Variants in ZNF101 observed in about 807,000 individuals in gnomAD.
The protein encoded by ZNF101 is zinc finger protein 101 (Y2).
ZNF101 carries 34 observed loss-of-function variants against 42.6 expected under a neutral mutation model. That is an observed-to-expected ratio of 0.80 (90% CI 0.61 to 1.06). The LOEUF (loss-of-function observed/expected upper bound fraction) is 1.06, where lower values mean the gene tolerates loss of function less well. ZNF101 is among the 50% of genes least tolerant of loss of function. The pLI is 0.00. For missense variants in ZNF101, 466 were observed against 530.9 expected (o/e 0.88, Z 1.20); for synonymous variants, 158 against 183.9 (o/e 0.86, Z 1.14).
chr19:19,672,796 G>T (rs1056725259), intron 1 of ZNF101, among the ~76,000 whole-genome samples: 2 of 151,912 alleles, frequency 1.3e-5, no homozygotes, highest in Admixed American at 6.6e-5. Flanking sequence ...CAAAGTGTTG[G>T]GATTATAGGC....
intron 1 of ZNF101, among the ~76,000 whole-genome samples, chr19:19,670,645 T>C (rs998049730): frequency 6.6e-6 from 1 of 151,996 alleles, no homozygotes; most frequent in Admixed American, 6.6e-5. Context: ...TAGTCTCAGC[T>C]ACTCAGGAGA....
At position 19,679,179 on chromosome 19, in the gene ZNF101, A is replaced by G; in HGVS notation, c.192-2A>G. 6.2e-7 allele frequency: 1 copy of G among 1,608,332 alleles called. No homozygotes were observed. Among genetic ancestry groups the G allele is most frequent in the Non-Finnish European group, 8.5e-7 (1 of 1,175,994 alleles). On this transcript the variant is annotated splice_acceptor_variant, in intron 3 of 3. Coordinates refer to ENST00000592502, the MANE Select transcript of ZNF101 (RefSeq NM_033204.4). LOFTEE classifies it high-confidence loss of function. The stretch of plus-strand genomic sequence containing the variant: ...TGATAATGCGTTTGTCATTTTTCAT[A>G]GAAGTCTGGTGGAGAGACTCTGTGG...
chr19:19,677,048 T>G (rs373582855), intron 1 of ZNF101: 1 of 152,350 alleles, frequency 6.6e-6, no homozygotes, highest in South Asian at 2.1e-4. Context: ...TGCTTTGACA[T>G]TACCTGACAG....
chr19:19,673,333 T>G (rs1023081720), intron 1 of ZNF101, among the ~76,000 whole-genome samples: 5 of 139,986 alleles, frequency 3.6e-5, no homozygotes, highest in Non-Finnish European at 6.0e-5. Flanking sequence ...CACTGCAACC[T>G]CCACCTTCTG....
chr19:19,679,785 G>C lies in ZNF101; in HGVS notation c.796G>C (p.Gly266Arg). 2 of 1,612,204 alleles carry C rather than the reference G, an allele frequency of 1.2e-6. No homozygotes were observed. Among genetic ancestry groups the C allele is most frequent in the Non-Finnish European group, 1.7e-6 (2 of 1,179,156 alleles). The change falls in exon 4 of 4, where the codon GGT (glycine) becomes CGT (arginine). Residue 266 changes from glycine to arginine, a missense_variant. Transcript: ENST00000592502. ...ATGTGGTAAAGCCTTCATTTCCGCA[G>C]GTTACCTTCGGACACATGAAATCAG... Reference protein sequence around the residue: ...KQCGKAFISAGYLRTHEIRSH... With the variant: ...KQCGKAFISARYLRTHEIRSH...
chr19:19,678,867 CAAAT>C, intron 3 of ZNF101, 81 bp downstream of exon 3: 8 of 1,222,700 alleles, frequency 6.5e-6, no homozygotes, highest in East Asian at 2.5e-5. Context: ...AAATACAAGA[CAAAT>C]AAGTACAATG....
At position 19,679,327 on chromosome 19, in the gene ZNF101, G is replaced by A. The variant is rs61742977; in HGVS notation, c.338G>A (p.Arg113His). 105 of 1,614,080 alleles carry A rather than the reference G, an allele frequency of 6.5e-5. 1 individual carries two copies. In the African/African-American group the frequency reaches 1.0e-3, roughly 16 times the overall value. ...KCSVCGKVFL[R>H]HSFLDRHMRA... ...AGCGTGTGTGGGAAAGTCTTCCTCC[G>A]TCATTCATTCCTGGACAGGCACATG... Residue 113 changes from arginine (R) to histidine (H), a missense_variant, in exon 4 of 4, where the codon CGT (arginine) becomes CAT (histidine). Coordinates refer to ENST00000592502, the MANE Select transcript of ZNF101 (RefSeq NM_033204.4).
chr19:19,679,513 G>A lies in ZNF101; in HGVS notation c.524G>A (p.Gly175Glu), dbSNP rs1185063435. ...AGACCTTATGAATGCAAGGTGTGCG[G>A]GAAAGCCTTTAATTCTCCCAATTTA... ...RKRPYECKVC[G>E]KAFNSPNLFQ... Residue 175 changes from glycine to glutamate, a missense_variant, in exon 4 of 4, where the codon GGG (glycine) becomes GAG (glutamate). By Grantham distance (98) the Gly-to-Glu change is moderately conservative. Coordinates refer to ENST00000592502, the MANE Select transcript of ZNF101 (RefSeq NM_033204.4). The A allele has an allele frequency of 1.9e-6, 3 of 1,614,130 alleles. No individual in the cohort carries two copies. In the South Asian group the frequency reaches 3.3e-5, roughly 18 times the overall value.
chr19:19,669,049 G>A, intron 1 of ZNF101, 83 bp downstream of exon 1: 1 of 1,516,758 alleles, frequency 6.6e-7, no homozygotes, highest in South Asian at 1.2e-5. Flanking sequence ...CCTCCCCGCG[G>A]CGACTGTGGG....
upstream of ZNF101, among the ~76,000 whole-genome samples, chr19:19,668,429 G>C (rs925680975): frequency 7.2e-5 from 11 of 152,202 alleles, no homozygotes; most frequent in African/African-American, 2.6e-4. Flanking sequence ...TGCCGGTTCA[G>C]CTGAAGTCTT....
At chr19:19,672,548 CG>C (rs553071168) in intron 1 of ZNF101, among the ~76,000 whole-genome samples, 7 of 150,060 alleles carry the variant, frequency 4.7e-5, no homozygotes, top group African/African-American at 1.7e-4. Flanking sequence ...TTTTTTTTGG[CG>C]GGGGGGGTCT....
At chr19:19,673,438 CAG>C (rs2145047943) in intron 1 of ZNF101, among the ~76,000 whole-genome samples, 1 of 150,960 alleles carries the variant, frequency 6.6e-6, no homozygotes, top group South Asian at 2.1e-4. Context: ...TCAGTAGAGA[CAG>C]GGTTTCATCA....
intron 1 of ZNF101, among the ~76,000 whole-genome samples, chr19:19,672,941 G>A (rs954037866): frequency 6.6e-6 from 1 of 151,974 alleles, no homozygotes; most frequent in Non-Finnish European, 1.5e-5. Flanking sequence ...TCCAAATAAT[G>A]TAAAGTCTTT....
chr19:19,668,308 G>A (rs1374835904), upstream of ZNF101, among the ~76,000 whole-genome samples: 2 of 152,078 alleles, frequency 1.3e-5, no homozygotes, highest in Non-Finnish European at 2.9e-5. Flanking sequence ...ACTGGGCTGG[G>A]GTGTGAGAAC....
intron 1 of ZNF101, among the ~76,000 whole-genome samples, chr19:19,673,095 C>T (rs1165385391): frequency 6.6e-6 from 1 of 151,934 alleles, no homozygotes; most frequent in African/African-American, 2.4e-5. Flanking sequence ...CAAGCGCATG[C>T]CACCACGCCT....
At position 19,670,963 on chromosome 19, in the gene ZNF101, AG is replaced by A. The variant is rs2062164835; in HGVS notation, c.3+1999del. 2.6e-5 allele frequency among the ~76,000 whole-genome samples: 4 copies of A among 152,284 alleles called. 1 individual carries two copies. The South Asian group carries it at 8.3e-4, about 32-fold the overall frequency. ...TACTAAAAATACAAAAAAATTAGCCAGGCGTGGTGGCGAGCGCCTGTAGTCC... is the reference window on the plus strand; with the variant it reads ...TACTAAAAATACAAAAAAATTAGCCAGCGTGGTGGCGAGCGCCTGTAGTCC... On this transcript the variant is annotated intron_variant, in intron 1 of 3. Transcript: ENST00000592502.
At chr19:19,671,359 A>G (rs1324656290) in intron 1 of ZNF101, among the ~76,000 whole-genome samples, 1 of 152,172 alleles carries the variant, frequency 6.6e-6, no homozygotes, top group Non-Finnish European at 1.5e-5. Context: ...ATACTGAATG[A>G]CATCTGAAAG....
chr19:19,680,018 T>C lies in ZNF101; in HGVS notation c.1029T>C (p.Cys343=). The C allele has an allele frequency of 6.2e-7, 1 of 1,614,124 alleles. No individual in the cohort carries two copies. The highest frequency in any genetic ancestry group is 8.5e-7 in the Non-Finnish European group (1 of 1,180,024). ...AAAGACCTTATGAATGTAATAAATG[T>C]GGTAAAACCTTCAATTATCCCAGTT... is the stretch of plus-strand genomic sequence containing the variant. ...TGERPYECNK[C]GKTFNYPSCF... is the part of the protein sequence containing the mutation. Residue 343 remains cysteine (C), a synonymous_variant, in exon 4 of 4, where the codon TGT becomes TGC. Transcript: ENST00000592502.
At position 19,680,387 on chromosome 19, in the gene ZNF101, C is replaced by T. The variant is rs972357083; in HGVS notation, c.*87C>T. 30 of 684,882 alleles carry T rather than the reference C, an allele frequency of 4.4e-5. No homozygotes were observed. The highest frequency in any genetic ancestry group is 3.5e-4 in the East Asian group (12 of 34,190). The allele number at this position is 684,882 out of a possible 1,614,324, so 42.4% of individuals were successfully genotyped here. A position where few individuals can be genotyped will look rare whatever the true frequency, so the allele number is the denominator to read the frequency against. On this transcript the variant is annotated 3_prime_UTR_variant, in exon 4 of 4. Coordinates refer to ENST00000592502, the MANE Select transcript of ZNF101 (RefSeq NM_033204.4). ...ATCCCAGCACTTTGGGAGGCTGAGG[C>T]GGGTGGATCACCTGAGGTCAGGAGT...
Sources: gnomAD v4.1 joint callset for allele counts (sites outside exome capture counted in the v4.1 genomes callset) on GRCh38, gnomAD v4.1.1 for gene constraint, MANE v1.5 for transcripts, NCBI Gene and HGNC (gene_info 2026-07-23, HGNC 2026-07-21) for gene names.